GRHL2: variants seen among roughly 807,000 people sequenced by gnomAD.
GRHL2 encodes grainyhead like transcription factor 2, also known as grainyhead-like protein 2 homolog.
GRHL2 carries 21 observed loss-of-function variants against 83.8 expected under a neutral mutation model. The ratio of observed to expected loss-of-function variants is 0.25; its 90% CI spans 0.18 to 0.36. GRHL2 has a LOEUF of 0.36. GRHL2 is among the 10% of genes least tolerant of loss of function. GRHL2 has a pLI of 1.00. For missense variants in GRHL2, 623 were observed against 781.8 expected (o/e 0.80, Z 2.42); for synonymous variants, 280 against 278.9 (o/e 1.00, Z -0.04).
At chr8:101,634,246 G>C (rs1200098001) in intron 11 of GRHL2, among the ~76,000 whole-genome samples, 1 of 152,154 alleles carries the variant, frequency 6.6e-6, no homozygotes, top group Non-Finnish European at 1.5e-5. Context: ...GAAGAAGCCT[G>C]CCCTGAGCTT....
At chr8:101,657,813 C>T (rs1484174618) in intron 14 of GRHL2, among the ~76,000 whole-genome samples, 1 of 148,588 alleles carries the variant, frequency 6.7e-6, no homozygotes, top group Non-Finnish European at 1.5e-5. Flanking sequence ...GCACTCTAGC[C>T]TGGGCGACAG....
chr8:101,553,505 A>T (rs925878840), intron 3 of GRHL2, among the ~76,000 whole-genome samples: 2 of 152,316 alleles, frequency 1.3e-5, no homozygotes, highest in African/African-American at 4.8e-5. Flanking sequence ...TTTATGGCAC[A>T]GCAGGGGTGA....
Position 101,492,542 on chromosome 8 carries a change from G to C in GRHL2, c.-228G>C, listed in dbSNP as rs771185331. 4.8e-6 allele frequency: 3 copies of C among 623,676 alleles called. No individual in the cohort carries two copies. Among genetic ancestry groups the C allele is most frequent in the Non-Finnish European group, 8.7e-6 (3 of 345,772 alleles). The allele number at this position is 623,676 out of a possible 1,614,324, so 38.6% of individuals were successfully genotyped here. A position where few individuals can be genotyped will look rare whatever the true frequency, so the allele number is the denominator to read the frequency against. On this transcript the variant is annotated 5_prime_UTR_variant, in exon 1 of 16. Coordinates refer to ENST00000646743, the MANE Select transcript of GRHL2 (RefSeq NM_024915.4). ...GCGCCGCCCGGCCGCCTCCGAGCTC[G>C]GGCCCCATGTGAGGGGCCCCCCCTT...
the GRHL2 span, among the ~76,000 whole-genome samples, chr8:101,675,923 G>A: frequency 6.6e-6 from 1 of 152,174 alleles, no homozygotes; most frequent in Admixed American, 6.5e-5. Flanking sequence ...ACAACCATCT[G>A]ATCTTTGACA....
At chr8:101,595,606 C>T (rs1300857712) in intron 7 of GRHL2, among the ~76,000 whole-genome samples, 1 of 152,148 alleles carries the variant, frequency 6.6e-6, no homozygotes, top group Non-Finnish European at 1.5e-5. Context: ...GTTTGGCTGG[C>T]CTGCTGGAAG....
At chr8:101,656,252 G>A (rs1024939036) in intron 14 of GRHL2, among the ~76,000 whole-genome samples, 7 of 152,214 alleles carry the variant, frequency 4.6e-5, no homozygotes, top group Non-Finnish European at 8.8e-5. Flanking sequence ...AAGTTTTGTT[G>A]ACTGAATTGG....
intron 13 of GRHL2, among the ~76,000 whole-genome samples, chr8:101,646,378 T>C (rs74747203): frequency 0.014 from 2,190 of 152,292 alleles, 61 homozygotes; most frequent in African/African-American, 0.05. Context: ...TATTTTGAGA[T>C]TGTGAAACCA....
chr8:101,652,346 T>TG lies in GRHL2; in HGVS notation c.1698+2848dup, dbSNP rs1813648941. On this transcript the variant is annotated intron_variant, in intron 14 of 15. Coordinates refer to ENST00000646743, the MANE Select transcript of GRHL2 (RefSeq NM_024915.4). ...TGTGTGTGTGGTGTGTGTGTATGTG[T>TG]GTGGTGTGTGTGGTGTGTGTGTGTC... Among the ~76,000 whole-genome samples the TG allele has an allele frequency of 5.9e-5, 4 of 68,352 alleles. No homozygotes were observed. The East Asian group carries it at 1.8e-3, about 30-fold the overall frequency. 44.8% of individuals were successfully genotyped at this position (68,352 alleles called of 152,430 possible).
intron 8 of GRHL2, among the ~76,000 whole-genome samples, chr8:101,608,970 A>G (rs142303166): frequency 6.6e-6 from 1 of 150,586 alleles, no homozygotes; most frequent in Non-Finnish European, 1.5e-5. Flanking sequence ...GGAAAGCACA[A>G]GGAGAGAGGG....
intron 8 of GRHL2, among the ~76,000 whole-genome samples, chr8:101,601,526 T>C (rs1184533265): frequency 6.6e-5 from 10 of 152,220 alleles, no homozygotes; most frequent in Non-Finnish European, 1.3e-4. Context: ...TAAATGTGTG[T>C]GCCTGTGCTT....
At chr8:101,671,632 G>T (rs966240478), downstream of GRHL2, among the ~76,000 whole-genome samples, 3 of 152,220 alleles carry the variant, frequency 2.0e-5, no homozygotes, top group Non-Finnish European at 4.4e-5. Context: ...CAAACAAAAA[G>T]ACAGCAGTAA....
chr8:101,497,215 C>A (rs929094296), intron 1 of GRHL2, among the ~76,000 whole-genome samples: 1 of 152,160 alleles, frequency 6.6e-6, no homozygotes, highest in African/African-American at 2.4e-5. Flanking sequence ...TAAAGAGAGA[C>A]AAAGTACAGA....
intron 1 of GRHL2, among the ~76,000 whole-genome samples, chr8:101,499,053 A>C (rs1167960251): frequency 6.6e-6 from 1 of 150,394 alleles, no homozygotes; most frequent in African/African-American, 2.5e-5. Context: ...CCAGCCTGGG[A>C]GACAGCAAGA....
the GRHL2 span, among the ~76,000 whole-genome samples, chr8:101,677,788 C>T: frequency 3.9e-5 from 6 of 152,168 alleles, no homozygotes; most frequent in African/African-American, 1.2e-4. Flanking sequence ...TGGGACCATA[C>T]ATTTTATGTT....
rs1813296295 is a variant in GRHL2 at position 101,636,785 on chromosome 8, T to C, written c.1486-112T>C. 1.4e-5 allele frequency: 12 copies of C among 831,520 alleles called. No homozygotes were observed. In the East Asian group the frequency reaches 2.9e-4, roughly 20 times the overall value. The allele number at this position is 831,520 out of a possible 1,614,324, so 51.5% of individuals were successfully genotyped here. A position where few individuals can be genotyped will look rare whatever the true frequency, so the allele number is the denominator to read the frequency against. On this transcript the variant is annotated intron_variant, in intron 11 of 15. Coordinates refer to ENST00000646743, the MANE Select transcript of GRHL2 (RefSeq NM_024915.4). ...CACACACTGTTATTAAACAGATTAG[T>C]CTTTTGCCTTTTTAAGAGACAGTTT... is the stretch of plus-strand genomic sequence containing the variant.
At chr8:101,544,811 C>G (rs74436063) in intron 2 of GRHL2, among the ~76,000 whole-genome samples, 1 of 152,306 alleles carries the variant, frequency 6.6e-6, no homozygotes, top group East Asian at 1.9e-4. Flanking sequence ...CTTCCTGTTT[C>G]TTTTCTGCTT....
At chr8:101,505,153 T>C (rs1810312137) in intron 1 of GRHL2, among the ~76,000 whole-genome samples, 1 of 152,132 alleles carries the variant, frequency 6.6e-6, no homozygotes, top group Non-Finnish European at 1.5e-5. Flanking sequence ...GAATTTGCAA[T>C]TGCCCCTTCT....
At chr8:101,640,103 T>A (rs2129649969) in intron 12 of GRHL2, among the ~76,000 whole-genome samples, 1 of 152,364 alleles carries the variant, frequency 6.6e-6, no homozygotes, top group African/African-American at 2.4e-5. Context: ...GGTCCCTTGC[T>A]GCACAATCGA....
At chr8:101,576,791 A>C (rs969048673) in intron 6 of GRHL2, among the ~76,000 whole-genome samples, 5 of 152,156 alleles carry the variant, frequency 3.3e-5, no homozygotes, top group African/African-American at 1.2e-4. Context: ...TTAGTTTCTC[A>C]AGCTCATTTT....
Sources: allele counts gnomAD v4.1 joint callset (sites outside exome capture counted in the v4.1 genomes callset), GRCh38; gene constraint gnomAD v4.1.1; transcripts MANE v1.5; gene names NCBI Gene and HGNC (gene_info 2026-07-23, HGNC 2026-07-21).